Variants in ADAMTS6 observed in about 807,000 individuals in gnomAD.
The protein encoded by ADAMTS6 is ADAM metallopeptidase with thrombospondin type 1 motif 6, also known as A disintegrin and metalloproteinase with thrombospondin motifs 6.
In ADAMTS6, 23 loss-of-function variants were observed where a neutral mutation model predicts 144.3. The ratio of observed to expected loss-of-function variants is 0.16; its 90% confidence interval spans 0.11 to 0.23. The LOEUF (loss-of-function observed/expected upper bound fraction) is 0.23, where lower values mean the gene tolerates loss of function less well. Ranked by LOEUF, ADAMTS6 falls within the 10% of genes least tolerant of loss-of-function variation. The probability of loss-of-function intolerance (pLI) is 1.00; values close to 1 mark genes in which losing one functional copy is unlikely to be tolerated. For missense variants in ADAMTS6, 999 were observed against 1,379.6 expected (o/e 0.72, Z 4.37); for synonymous variants, 444 against 457.5 (o/e 0.97, Z 0.38).
intron 1 of ADAMTS6, among the ~76,000 whole-genome samples, chr5:65,476,319 A>G (rs1180276616): frequency 6.6e-6 from 1 of 152,224 alleles, no homozygotes; most frequent in Non-Finnish European, 1.5e-5. Flanking sequence ...AGCTGAGGAC[A>G]TAACCCCTAG....
At chr5:65,460,365 A>G (rs1203607013) in intron 3 of ADAMTS6, 27 bp from the exon 4 acceptor site, 2 of 1,552,412 alleles carry the variant, frequency 1.3e-6, no homozygotes, top group African/African-American at 2.8e-5. Context: ...CAAAGAACTT[A>G]CCAAAGAGAA....
chr5:65,254,909 T>C (rs1476955556), intron 14 of ADAMTS6, among the ~76,000 whole-genome samples: 2 of 152,206 alleles, frequency 1.3e-5, no homozygotes, highest in Admixed American at 1.3e-4. Context: ...GAAGAGAATA[T>C]GATTACAATA....
At chr5:65,216,787 A>G (rs1756955649) in intron 18 of ADAMTS6, among the ~76,000 whole-genome samples, 1 of 76,038 alleles carries the variant, frequency 1.3e-5, no homozygotes, top group South Asian at 4.1e-4. Context: ...AGAAATACAC[A>G]CACACACACA....
intron 11 of ADAMTS6, 115 bp from the exon 12 acceptor site, chr5:65,273,562 T>TTCA: frequency 1.3e-6 from 1 of 754,698 alleles, no homozygotes; most frequent in Non-Finnish European, 2.2e-6. Flanking sequence ...TACCTTTTGC[T>TTCA]GCTGAAGCAT....
At chr5:65,248,236 T>C (rs921250962) in intron 14 of ADAMTS6, among the ~76,000 whole-genome samples, 3 of 152,164 alleles carry the variant, frequency 2.0e-5, no homozygotes, top group African/African-American at 7.2e-5. Context: ...GTGAAGCATC[T>C]CAACCTCAGT....
At chr5:65,210,100 G>C (rs111310419) in intron 20 of ADAMTS6, 1 of 220,418 alleles carries the variant, frequency 4.5e-6, no homozygotes, top group Non-Finnish European at 9.6e-6. Flanking sequence ...ATGCTGCAGC[G>C]TACTATATTG....
intron 24 of ADAMTS6, among the ~76,000 whole-genome samples, chr5:65,163,221 T>C (rs941261861): frequency 1.3e-5 from 2 of 152,176 alleles, no homozygotes; most frequent in African/African-American, 4.8e-5. Context: ...AAGAGATTTT[T>C]TTTTTTAAAG....
intron 7 of ADAMTS6, among the ~76,000 whole-genome samples, chr5:65,402,995 C>A (rs537057050): frequency 4.0e-5 from 6 of 151,798 alleles, no homozygotes; most frequent in Non-Finnish European, 8.8e-5. Context: ...CCATTCCAGT[C>A]AATCTTTCTG....
At chr5:65,232,146 C>T (rs1680954856) in intron 15 of ADAMTS6, among the ~76,000 whole-genome samples, 1 of 151,932 alleles carries the variant, frequency 6.6e-6, no homozygotes, top group Non-Finnish European at 1.5e-5. Flanking sequence ...ACAAAACAAA[C>T]CAACAAGAAA....
intron 15 of ADAMTS6, among the ~76,000 whole-genome samples, chr5:65,230,112 T>C (rs1416805516): frequency 6.6e-6 from 1 of 151,712 alleles, no homozygotes. Flanking sequence ...AATTTGTGAA[T>C]GGACTACGAT....
At chr5:65,201,046 A>C (rs1303291467) in intron 20 of ADAMTS6, among the ~76,000 whole-genome samples, 2 of 152,222 alleles carry the variant, frequency 1.3e-5, no homozygotes, top group Admixed American at 1.3e-4. Context: ...AATGGGAAGA[A>C]GGCATATTCC....
intron 23 of ADAMTS6, 109 bp downstream of exon 23, chr5:65,172,723 G>T (rs757589888): frequency 8.6e-6 from 11 of 1,281,174 alleles, no homozygotes; most frequent in Non-Finnish European, 1.1e-5. Flanking sequence ...AGACTTCTAC[G>T]TGTTAATTCT....
chr5:65,292,552 C>T (rs1424420689), intron 10 of ADAMTS6, among the ~76,000 whole-genome samples: 1 of 152,044 alleles, frequency 6.6e-6, no homozygotes, highest in Non-Finnish European at 1.5e-5. Context: ...TTAAAAGTTT[C>T]TCATATTCTT....
intron 3 of ADAMTS6, among the ~76,000 whole-genome samples, chr5:65,464,917 C>T (rs1759887507): frequency 6.6e-6 from 1 of 152,166 alleles, no homozygotes; most frequent in Non-Finnish European, 1.5e-5. Flanking sequence ...CTTCACCCAC[C>T]TCATGTCCTC....
At chr5:65,170,425 C>G (rs1329913835) in intron 24 of ADAMTS6, among the ~76,000 whole-genome samples, 192 bp downstream of exon 24, 4 of 152,170 alleles carry the variant, frequency 2.6e-5, no homozygotes, top group African/African-American at 9.7e-5. Flanking sequence ...AGTGACTTAA[C>G]AAGGTCATAA....
chr5:65,335,781 G>C (rs1747248010), intron 7 of ADAMTS6, among the ~76,000 whole-genome samples: 1 of 152,094 alleles, frequency 6.6e-6, no homozygotes, highest in Non-Finnish European at 1.5e-5. Flanking sequence ...GTTACATTAT[G>C]CAATCAGTAT....
intron 24 of ADAMTS6, among the ~76,000 whole-genome samples, chr5:65,158,088 A>G (rs1320410542): frequency 6.6e-6 from 1 of 152,214 alleles, no homozygotes; most frequent in Non-Finnish European, 1.5e-5. Context: ...CCTCCAGACC[A>G]GACAGCCAGG....
intron 18 of ADAMTS6, among the ~76,000 whole-genome samples, chr5:65,221,032 C>T (rs1434455716): frequency 6.6e-6 from 1 of 152,078 alleles, no homozygotes; most frequent in Non-Finnish European, 1.5e-5. Context: ...AAACTTTCCA[C>T]AAAGACAACT....
At chr5:65,397,898 G>A (rs910074845) in intron 7 of ADAMTS6, among the ~76,000 whole-genome samples, 4 of 124,328 alleles carry the variant, frequency 3.2e-5, no homozygotes, top group Non-Finnish European at 1.8e-5. Context: ...AAAAAAAAAA[G>A]TATGTTGCTT....
Sources: allele counts gnomAD v4.1 joint callset (sites outside exome capture counted in the v4.1 genomes callset), GRCh38; gene constraint gnomAD v4.1.1; transcripts MANE v1.5; gene names NCBI Gene and HGNC (gene_info 2026-07-23, HGNC 2026-07-21).